KCNN2: variants seen among roughly 807,000 people sequenced by gnomAD.
The protein encoded by KCNN2 is potassium calcium-activated channel subfamily N member 2, also known as small conductance calcium-activated potassium channel protein 2.
Under a neutral mutation model 55.5 loss-of-function variants are expected in KCNN2, and 24 were observed. The ratio of observed to expected loss-of-function variants is 0.43; its 90% CI spans 0.31 to 0.61. The LOEUF is 0.61. KCNN2 is among the 20% of genes least tolerant of loss of function. The pLI is 0.08. For synonymous variants in KCNN2, 431 were observed against 336.1 expected (o/e 1.28, Z -3.09); for missense variants, 754 against 853.6 (o/e 0.88, Z 1.45).
At chr5:114,494,803 A>G (rs1413581856) in intron 7 of KCNN2, among the ~76,000 whole-genome samples, 1 of 152,168 alleles carries the variant, frequency 6.6e-6, no homozygotes, top group Non-Finnish European at 1.5e-5. Flanking sequence ...AATTAAGTGT[A>G]TGCACTCTGT....
intron 1 of KCNN2, among the ~76,000 whole-genome samples, chr5:114,112,592 C>A (rs991697292): frequency 6.6e-6 from 1 of 151,892 alleles, no homozygotes; most frequent in Non-Finnish European, 1.5e-5. Context: ...GCCTGAGATA[C>A]TTTTTGGGCG....
chr5:114,255,843 T>C (rs1367881802), intron 2 of KCNN2, among the ~76,000 whole-genome samples: 1 of 152,196 alleles, frequency 6.6e-6, no homozygotes, highest in African/African-American at 2.4e-5. Flanking sequence ...CAACAGTTGT[T>C]CAAAGTTTTT....
At chr5:114,060,328 T>C (rs1750299425) in intron 1 of KCNN2, among the ~76,000 whole-genome samples, 2 of 152,248 alleles carry the variant, frequency 1.3e-5, no homozygotes, top group South Asian at 4.1e-4. Flanking sequence ...CTCGTTGCAG[T>C]TCACATCTCT....
chr5:114,429,744 T>C (rs1338337247), intron 3 of KCNN2, among the ~76,000 whole-genome samples: 1 of 151,846 alleles, frequency 6.6e-6, no homozygotes, highest in Admixed American at 6.6e-5. Context: ...ATTTTACATT[T>C]GAGTCTATGA....
At chr5:114,458,389 C>G (rs1410656389) in intron 3 of KCNN2, among the ~76,000 whole-genome samples, 1 of 152,090 alleles carries the variant, frequency 6.6e-6, no homozygotes, top group Non-Finnish European at 1.5e-5. Context: ...GATCTTGGAA[C>G]ATAACACGAC....
At chr5:114,293,088 T>G (rs1168403359) in intron 2 of KCNN2, among the ~76,000 whole-genome samples, 1 of 152,228 alleles carries the variant, frequency 6.6e-6, no homozygotes, top group African/African-American at 2.4e-5. Flanking sequence ...ATGGAGATTT[T>G]GGGCTGAGAC....
At chr5:114,327,325 G>A (rs544350392) in intron 2 of KCNN2, among the ~76,000 whole-genome samples, 2 of 152,250 alleles carry the variant, frequency 1.3e-5, no homozygotes, top group South Asian at 4.2e-4. Flanking sequence ...AACCTATGCG[G>A]GAGCAGAGTG....
chr5:114,445,059 T>C (rs1435170118), intron 3 of KCNN2, among the ~76,000 whole-genome samples: 1 of 152,134 alleles, frequency 6.6e-6, no homozygotes, highest in East Asian at 1.9e-4. Flanking sequence ...AATACAGTAG[T>C]AACATAACAT....
intron 2 of KCNN2, among the ~76,000 whole-genome samples, chr5:114,276,401 A>T (rs1454841645): frequency 2.0e-5 from 3 of 151,968 alleles, no homozygotes; most frequent in African/African-American, 7.2e-5. Flanking sequence ...TTTCTGTCCC[A>T]TTGGTGTGTC....
intron 1 of KCNN2, among the ~76,000 whole-genome samples, chr5:114,143,925 G>A (rs930465139): frequency 2.0e-5 from 3 of 152,102 alleles, no homozygotes; most frequent in Non-Finnish European, 4.4e-5. Context: ...TTTTACACAT[G>A]AATAATAAAG....
chr5:114,232,922 C>CTCGTTTTTTTTTTT (rs200715120), intron 2 of KCNN2, among the ~76,000 whole-genome samples: 5,883 of 42,750 alleles, frequency 0.14, 594 homozygotes, highest in South Asian at 0.23. Flanking sequence ...TATATTGTTT[C>CTCGTTTTTTTTTTT]TTGTTTTTTT....
chr5:114,371,693 C>T (rs1757763378), intron 2 of KCNN2, among the ~76,000 whole-genome samples: 1 of 152,108 alleles, frequency 6.6e-6, no homozygotes, highest in Non-Finnish European at 1.5e-5. Flanking sequence ...AACATTAGAT[C>T]CATTTAAATG....
intron 1 of KCNN2, among the ~76,000 whole-genome samples, chr5:114,125,476 A>G (rs532578286): frequency 1.3e-5 from 2 of 152,338 alleles, no homozygotes; most frequent in South Asian, 4.1e-4. Flanking sequence ...TGTATATTCT[A>G]AAGCAAGTAG....
At chr5:114,493,700 G>A (rs904893330) in intron 7 of KCNN2, among the ~76,000 whole-genome samples, 9 of 152,234 alleles carry the variant, frequency 5.9e-5, no homozygotes, top group African/African-American at 1.9e-4. Context: ...AACATTCCTA[G>A]TTACAGTGAT....
chr5:114,271,000 C>T (rs1236052100), intron 2 of KCNN2, among the ~76,000 whole-genome samples: 3 of 152,098 alleles, frequency 2.0e-5, no homozygotes, highest in Non-Finnish European at 4.4e-5. Context: ...AAAGAGTGAG[C>T]AGCAGCAAGA....
chr5:114,310,002 C>T (rs1320499610), intron 2 of KCNN2, among the ~76,000 whole-genome samples: 1 of 152,180 alleles, frequency 6.6e-6, no homozygotes, highest in Non-Finnish European at 1.5e-5. Flanking sequence ...TTTCCTTACT[C>T]CTCTCAAGTT....
chr5:114,094,272 G>A (rs1276218852), intron 1 of KCNN2, among the ~76,000 whole-genome samples: 1 of 151,906 alleles, frequency 6.6e-6, no homozygotes, highest in African/African-American at 2.4e-5. Flanking sequence ...GTTTTTTTCA[G>A]GTCTTCAGCA....
At chr5:114,238,222 C>A (rs978270025) in intron 2 of KCNN2, among the ~76,000 whole-genome samples, 14 of 152,186 alleles carry the variant, frequency 9.2e-5, no homozygotes, top group Non-Finnish European at 1.8e-4. Flanking sequence ...GTAGGTTACT[C>A]TTTTCAAAAG....
At chr5:114,164,665 G>T (rs1752870323) in intron 1 of KCNN2, among the ~76,000 whole-genome samples, 1 of 152,140 alleles carries the variant, frequency 6.6e-6, no homozygotes, top group South Asian at 2.1e-4. Context: ...GGAATTCTAT[G>T]ACTGGAATTG....
Sources: gnomAD v4.1 joint callset for allele counts (sites outside exome capture counted in the v4.1 genomes callset) on GRCh38, gnomAD v4.1.1 for gene constraint, MANE v1.5 for transcripts, NCBI Gene and HGNC (gene_info 2026-07-23, HGNC 2026-07-21) for gene names.